TSHR: variants seen among roughly 807,000 people sequenced by gnomAD.
TSHR encodes thyrotropin receptor.
TSHR carries 51 observed loss-of-function variants against 64.1 expected under a neutral mutation model. That is an observed-to-expected ratio of 0.80 (90% confidence interval 0.64 to 1.01). TSHR has a LOEUF of 1.01. Among genes scored for constraint, TSHR ranks in the 50% least tolerant of loss-of-function variants. The probability of loss-of-function intolerance (pLI) is 0.00; values close to 1 mark genes in which losing one functional copy is unlikely to be tolerated. For missense variants in TSHR, 877 were observed against 942.8 expected (o/e 0.93, Z 0.91); for synonymous variants, 361 against 361.9 (o/e 1.00, Z 0.03).
At position 81,143,070 on chromosome 14, in the gene TSHR, A is replaced by G. The variant is rs192078271; in HGVS notation, c.1012A>G (p.Lys338Glu). The G allele has an allele frequency of 1.2e-6, 2 of 1,614,184 alleles. No homozygotes were observed. The highest frequency in any genetic ancestry group is 2.2e-5 in the East Asian group (1 of 44,874). Residue 338 changes from lysine (K) to glutamate (E), a missense_variant, in exon 10 of 10, where the codon AAG becomes GAG. Lys to Glu is a moderately conservative substitution (Grantham distance 56). Transcript: ENST00000298171. ...TCTGGGTGACAGCATTGTTGGGTAC[A>G]AGGAAAAGTCCAAGTTCCAGGATAC... ...ENLGDSIVGYKEKSKFQDTHN... is the reference protein window; with the variant it reads ...ENLGDSIVGYEEKSKFQDTHN...
intron 1 of TSHR, chr14:81,050,557 T>A (rs2139866023): frequency 6.6e-6 from 1 of 152,310 alleles, no homozygotes; most frequent in South Asian, 2.1e-4. Context: ...ACCTAGTTAG[T>A]GTTCACTATG....
At chr14:80,984,941 A>G (rs970879635) in intron 1 of TSHR, among the ~76,000 whole-genome samples, 13 of 152,264 alleles carry the variant, frequency 8.5e-5, no homozygotes, top group African/African-American at 3.1e-4. Context: ...ATTGTTTTAT[A>G]TCCTGAATTA....
chr14:81,115,215 G>C (rs201650582), intron 8 of TSHR, among the ~76,000 whole-genome samples: 9,929 of 151,594 alleles, frequency 0.065, 794 homozygotes, highest in East Asian at 0.22. Flanking sequence ...GAAGGCTTCA[G>C]ACGATCAAAT....
In TSHR at chr14:81,033,382, A is replaced by G. The variant is rs530576304; in HGVS notation, c.171-28766A>G. The stretch of plus-strand genomic sequence containing the variant: ...TGACAGGGGCCATCCTGGCCACTTT[A>G]CAGAGAAACACTGCAGAAGCTAAGG... On this transcript the variant is annotated intron_variant, in intron 1 of 9. Coordinates refer to ENST00000298171, the MANE Select transcript of TSHR (RefSeq NM_000369.5). 2.0e-5 allele frequency: 5 copies of G among 245,512 alleles called. No individual in the cohort carries two copies. The South Asian group carries it at 3.1e-4, about 15-fold the overall frequency. 15.2% of individuals were successfully genotyped at this position (245,512 alleles called of 1,614,324 possible).
intron 8 of TSHR, among the ~76,000 whole-genome samples, chr14:81,130,258 C>T (rs1891181677): frequency 6.6e-6 from 1 of 152,144 alleles, no homozygotes; most frequent in Non-Finnish European, 1.5e-5. Context: ...GCAACTATCC[C>T]AATTTCTGTT....
At chr14:81,034,131 C>T (rs1427615966) in intron 1 of TSHR, among the ~76,000 whole-genome samples, 1 of 152,176 alleles carries the variant, frequency 6.6e-6, no homozygotes, top group African/African-American at 2.4e-5. Context: ...GAGGTAGAGA[C>T]CTGCTGCCTT....
chr14:81,036,620 T>G (rs149057611), intron 1 of TSHR, among the ~76,000 whole-genome samples: 15 of 152,248 alleles, frequency 9.9e-5, no homozygotes, highest in African/African-American at 2.9e-4. Flanking sequence ...ACTGGATGTA[T>G]TAGGAAAATA....
chr14:80,986,056 G>A (rs950518551), intron 1 of TSHR, among the ~76,000 whole-genome samples: 1 of 152,192 alleles, frequency 6.6e-6, no homozygotes, highest in African/African-American at 2.4e-5. Flanking sequence ...AGCATTCACA[G>A]AGCTTGTTAC....
intron 3 of TSHR, 76 bp from the exon 4 acceptor site, chr14:81,087,878 G>A: frequency 8.4e-7 from 1 of 1,185,920 alleles, no homozygotes; most frequent in Non-Finnish European, 1.3e-6. Flanking sequence ...TGTTAAAACT[G>A]ATTTATGTTG....
At chr14:81,078,500 T>A (rs1192921621) in intron 3 of TSHR, among the ~76,000 whole-genome samples, 1 of 152,236 alleles carries the variant, frequency 6.6e-6, no homozygotes, top group African/African-American at 2.4e-5. Context: ...TGAGTTTTTT[T>A]ATATTTAATC....
chr14:81,000,430 A>G (rs983338230), intron 1 of TSHR, among the ~76,000 whole-genome samples: 6 of 152,122 alleles, frequency 3.9e-5, no homozygotes, highest in African/African-American at 9.7e-5. Context: ...TCTCTATCCA[A>G]TTGAGTTAAG....
intron 1 of TSHR, among the ~76,000 whole-genome samples, chr14:81,045,720 T>C (rs1885142130): frequency 6.6e-6 from 1 of 152,220 alleles, no homozygotes; most frequent in Non-Finnish European, 1.5e-5. Flanking sequence ...ACCCACAGGG[T>C]AATTACACAA....
intron 1 of TSHR, among the ~76,000 whole-genome samples, chr14:81,009,324 T>A (rs1291871546): frequency 6.6e-6 from 1 of 152,208 alleles, no homozygotes; most frequent in African/African-American, 2.4e-5. Context: ...ATTCATATAC[T>A]GGCTACACTG....
In TSHR at chr14:81,021,718, T is replaced by C. The variant is rs116062267; in HGVS notation, c.171-40430T>C. On this transcript the variant is annotated intron_variant, in intron 1 of 9. Coordinates refer to ENST00000298171, the MANE Select transcript of TSHR (RefSeq NM_000369.5). ...ATTTAAAATGTTTTGGATCAATTAT[T>C]TCTTTTTATTACAGTTCTTACGGCT... is the stretch of plus-strand genomic sequence containing the variant. 2.3e-3 allele frequency among the ~76,000 whole-genome samples: 346 copies of C among 152,346 alleles called. 1 individual carries two copies. The highest frequency in any genetic ancestry group is 0.014 in the Middle Eastern group (4 of 294).
chr14:80,979,507 A>G (rs139784444), intron 1 of TSHR, among the ~76,000 whole-genome samples: 1 of 152,336 alleles, frequency 6.6e-6, no homozygotes, highest in East Asian at 1.9e-4. Flanking sequence ...CCAAATAGCT[A>G]GAAGAGATGA....
Position 81,096,340 on chromosome 14 carries a change from G to A in TSHR, c.546-299G>A, listed in dbSNP as rs114725980. On this transcript the variant is annotated intron_variant, in intron 6 of 9. Coordinates refer to ENST00000298171, the MANE Select transcript of TSHR (RefSeq NM_000369.5). Reference sequence around the variant, plus strand: ...CTCAAATCCCTTTTTCTGAATGTATGTGGAATATTCTTTTAAAATCTTCAA... The same window carrying A: ...CTCAAATCCCTTTTTCTGAATGTATATGGAATATTCTTTTAAAATCTTCAA... Among the ~76,000 whole-genome samples the A allele has an allele frequency of 1.6e-3, 248 of 152,238 alleles. 1 individual carries two copies. The highest frequency in any genetic ancestry group is 0.014 in the Middle Eastern group (4 of 294).
At chr14:80,996,805 C>G (rs1195642672) in intron 1 of TSHR, among the ~76,000 whole-genome samples, 1 of 152,036 alleles carries the variant, frequency 6.6e-6, no homozygotes, top group Non-Finnish European at 1.5e-5. Flanking sequence ...GCAGAGGAAA[C>G]AAAAATTTCT....
Position 81,112,849 on chromosome 14 carries a change from G to A in TSHR, c.692+4397G>A, listed in dbSNP as rs574354367. Among the ~76,000 whole-genome samples, 8 of 152,300 alleles carry A rather than the reference G, an allele frequency of 5.3e-5. No individual in the cohort carries two copies. In the East Asian group the frequency reaches 7.7e-4, roughly 15 times the overall value. On this transcript the variant is annotated intron_variant, in intron 8 of 9. Transcript: ENST00000298171. ...CCCCAGGTGAGAATATACCTGGCACGTTTGAGGAATAGCAAGGAGGCCATT... is the reference window on the plus strand; with the variant it reads ...CCCCAGGTGAGAATATACCTGGCACATTTGAGGAATAGCAAGGAGGCCATT...
chr14:81,050,555 A>G (rs1157807246), intron 1 of TSHR: 2 of 152,188 alleles, frequency 1.3e-5, no homozygotes, highest in Admixed American at 6.5e-5. Flanking sequence ...ACACCTAGTT[A>G]GTGTTCACTA....
Sources: allele counts gnomAD v4.1 joint callset (sites outside exome capture counted in the v4.1 genomes callset), GRCh38; gene constraint gnomAD v4.1.1; transcripts MANE v1.5; gene names NCBI Gene and HGNC (gene_info 2026-07-23, HGNC 2026-07-21).